Variants in MAGT1 observed in about 807,000 individuals in gnomAD.
MAGT1 encodes the protein dolichyl-diphosphooligosaccharide--protein glycosyltransferase subunit MAGT1.
MAGT1 carries 4 observed loss-of-function variants against 28.4 expected under a neutral mutation model. The observed-to-expected ratio is 0.14, with a 90% CI of 0.07 to 0.32. The LOEUF (loss-of-function observed/expected upper bound fraction) is 0.32. MAGT1 is among the 10% of genes least tolerant of loss of function. MAGT1 has a pLI of 1.00. For synonymous variants in MAGT1, 89 were observed against 89.7 expected (o/e 0.99, Z 0.04); for missense variants, 193 against 264.5 (o/e 0.73, Z 1.88).
chrX:77,828,992 TG>T lies in MAGT1; in HGVS notation c.*227del, dbSNP rs1408362617. On this transcript the variant is annotated 3_prime_UTR_variant, in exon 10 of 10. Transcript: ENST00000618282. ...AAATTAAATGTTCCATAAAGTTCAC[TG>T]GGAAGAGAAGGTTAAGAGGATAATT... is the stretch of plus-strand genomic sequence containing the variant. 2.8e-6 allele frequency: 1 copy of T among 351,443 alleles called. No individual in the cohort carries two copies. The highest frequency in any genetic ancestry group is 5.0e-6 in the Non-Finnish European group (1 of 198,210). 29.0% of individuals were successfully genotyped at this position (351,443 alleles called of 1,213,427 possible). A position where few individuals can be genotyped will look rare whatever the true frequency, so the allele number is the denominator to read the frequency against.
At chrX:77,830,396 G>A in intron 9 of MAGT1, among the ~76,000 whole-genome samples, 1 of 111,317 alleles carries the variant, frequency 9.0e-6, no homozygotes, top group Admixed American at 9.7e-5. Context: ...GAGGCGGGTG[G>A]ATCACTTGAG....
chrX:77,872,649 A>C (rs1557217415), intron 2 of MAGT1, among the ~76,000 whole-genome samples: 2 of 111,395 alleles, frequency 1.8e-5, no homozygotes, highest in African/African-American at 6.5e-5. Flanking sequence ...CATCTTATCC[A>C]TTTGTCTAGC....
chrX:77,871,537 G>C (rs2077020364), intron 2 of MAGT1, among the ~76,000 whole-genome samples: 2 of 111,279 alleles, frequency 1.8e-5, no homozygotes, highest in Admixed American at 1.9e-4. Context: ...GCAAAACCCT[G>C]TCTCTATTAA....
chrX:77,835,378 T>C (rs1273382248), intron 8 of MAGT1, among the ~76,000 whole-genome samples: 1 of 111,958 alleles, frequency 8.9e-6, no homozygotes, highest in Non-Finnish European at 1.9e-5. Context: ...ATGAGATATC[T>C]ATCATCTCAC....
intron 3 of MAGT1, among the ~76,000 whole-genome samples, chrX:77,865,242 A>G (rs1163162587): frequency 8.9e-6 from 1 of 111,946 alleles, no homozygotes; most frequent in Non-Finnish European, 1.9e-5. Context: ...TGATAGCTAC[A>G]GGATATGGCT....
chrX:77,886,394 A>C (rs1262236544), intron 1 of MAGT1, among the ~76,000 whole-genome samples: 5 of 110,470 alleles, frequency 4.5e-5, no homozygotes, highest in African/African-American at 1.3e-4. Flanking sequence ...TAACCCCAGC[A>C]CTTTGGGAGG....
intron 7 of MAGT1, among the ~76,000 whole-genome samples, chrX:77,843,669 G>A (rs1429055797): frequency 1.8e-5 from 2 of 111,575 alleles, no homozygotes; most frequent in Non-Finnish European, 3.8e-5. Flanking sequence ...TGCAAAGATT[G>A]ATCATTTCGT....
intron 7 of MAGT1, among the ~76,000 whole-genome samples, chrX:77,852,980 T>C (rs1348327310): frequency 3.6e-5 from 4 of 112,111 alleles, no homozygotes; most frequent in Non-Finnish European, 5.6e-5. Flanking sequence ...TGTTGATTTG[T>C]TCCAGAGTCA....
intron 8 of MAGT1, 63 bp downstream of exon 8, chrX:77,841,183 T>G (rs183799734): frequency 4.0e-4 from 339 of 856,811 alleles, no homozygotes; most frequent in Middle Eastern, 3.0e-3. Flanking sequence ...GAAAAGTGAT[T>G]AAGAGATCAC....
intron 3 of MAGT1, among the ~76,000 whole-genome samples, chrX:77,865,352 C>T (rs1013493421): frequency 9.1e-6 from 1 of 110,488 alleles, no homozygotes; most frequent in Non-Finnish European, 1.9e-5. Context: ...TGCAGTGGCG[C>T]GATCTCAGAT....
intron 7 of MAGT1, among the ~76,000 whole-genome samples, chrX:77,853,247 T>A (rs1219896186): frequency 8.9e-6 from 1 of 112,067 alleles, no homozygotes; most frequent in Non-Finnish European, 1.9e-5. Context: ...AGCTGTAAAA[T>A]GTCAAAATAT....
chrX:77,863,201 T>A (rs983404134), intron 3 of MAGT1, among the ~76,000 whole-genome samples: 1 of 108,794 alleles, frequency 9.2e-6, no homozygotes, highest in Non-Finnish European at 1.9e-5. Flanking sequence ...GGAAATTAAA[T>A]TAGTATAGCC....
At chrX:77,881,145 T>C (rs1470623648) in intron 1 of MAGT1, among the ~76,000 whole-genome samples, 1 of 110,793 alleles carries the variant, frequency 9.0e-6, no homozygotes, top group East Asian at 2.8e-4. Flanking sequence ...ACAAAATGAA[T>C]TGCTATTATT....
At chrX:77,884,924 C>T (rs971442569) in intron 1 of MAGT1, among the ~76,000 whole-genome samples, 6 of 108,511 alleles carry the variant, frequency 5.5e-5, no homozygotes, top group Admixed American at 3.0e-4. Context: ...TAGCCGGGCG[C>T]GGTGGCGGGT....
chrX:77,860,141 T>C (rs1217783844), intron 3 of MAGT1, among the ~76,000 whole-genome samples: 2 of 111,942 alleles, frequency 1.8e-5, no homozygotes, highest in African/African-American at 6.5e-5. Flanking sequence ...CTGGAGTGCG[T>C]TGGCGCAATC....
intron 6 of MAGT1, among the ~76,000 whole-genome samples, chrX:77,854,460 T>C (rs2076976510): frequency 9.0e-6 from 1 of 111,421 alleles, no homozygotes; most frequent in African/African-American, 3.3e-5. Context: ...ACTGTACTTA[T>C]ATTTTCAACA....
intron 1 of MAGT1, among the ~76,000 whole-genome samples, chrX:77,894,568 A>T (rs1271771033): frequency 8.9e-6 from 1 of 112,091 alleles, no homozygotes; most frequent in East Asian, 2.8e-4. Flanking sequence ...AGAGGGTATA[A>T]GTAATTGCTA....
Position 77,875,550 on chromosome X carries a change from T to C in MAGT1, c.150A>G (p.Lys50=). 1 of 1,209,804 alleles carries C rather than the reference T, an allele frequency of 8.3e-7. No homozygotes were observed. The highest frequency in any genetic ancestry group is 1.1e-6 in the Non-Finnish European group (1 of 894,633). ...CTCCATTCATTCTTATTACAGGTCT[T>C]TTGTTAGTCCATTCCATCAGCTGAC... The part of the protein sequence containing the change: ...KVSQLMEWTN[K]RPVIRMNGDK... The change falls in exon 2 of 10, where the codon AAA becomes AAG. Residue 50 remains lysine (K), a synonymous_variant. Coordinates refer to ENST00000618282, the MANE Select transcript of MAGT1 (RefSeq NM_001367916.1).
intron 7 of MAGT1, among the ~76,000 whole-genome samples, chrX:77,850,303 C>T (rs1273301618): frequency 1.8e-5 from 2 of 109,575 alleles, no homozygotes; most frequent in African/African-American, 6.6e-5. Flanking sequence ...TGGTGAAACC[C>T]TGTCTCTACT....
Sources: allele counts gnomAD v4.1 joint callset (sites outside exome capture counted in the v4.1 genomes callset), GRCh38; gene constraint gnomAD v4.1.1; transcripts MANE v1.5; gene names NCBI Gene and HGNC (gene_info 2026-07-23, HGNC 2026-07-21).